DCAF10: variants seen among roughly 807,000 people sequenced by gnomAD.
DCAF10 encodes DDB1- and CUL4-associated factor 10.
Under a neutral mutation model 51.9 loss-of-function variants are expected in DCAF10, and 19 were observed. The observed-to-expected ratio is 0.37, with a 90% CI of 0.26 to 0.54. The LOEUF is 0.54. DCAF10 is among the 20% of genes least tolerant of loss of function. DCAF10 has a pLI of 0.87. For synonymous variants in DCAF10, 291 were observed against 297.1 expected (o/e 0.98, Z 0.21); for missense variants, 510 against 730.6 (o/e 0.70, Z 3.48).
chr9:37,859,034 AAATT>A lies in DCAF10; in HGVS notation c.1166-1009_1166-1006del, dbSNP rs535104934. Reference sequence around the variant, plus strand: ...TGTCTGGTTTTGTTATAGGTTTTCCAAATTAATTCTTAAAATAAGAGTATATTTT... The same window carrying A: ...TGTCTGGTTTTGTTATAGGTTTTCCAAATTCTTAAAATAAGAGTATATTTT... On this transcript the variant is annotated intron_variant, in intron 5 of 6. Coordinates refer to ENST00000377724, the MANE Select transcript of DCAF10 (RefSeq NM_024345.5). Among the ~76,000 whole-genome samples the A allele has an allele frequency of 4.2e-4, 64 of 152,364 alleles. No individual in the cohort carries two copies. In the South Asian group the frequency reaches 6.4e-3, roughly 15 times the overall value.
chr9:37,846,684 T>C (rs1830483525), intron 3 of DCAF10, among the ~76,000 whole-genome samples: 1 of 152,044 alleles, frequency 6.6e-6, no homozygotes, highest in Non-Finnish European at 1.5e-5. Flanking sequence ...CTCAAACTCC[T>C]GACCTCAGTG....
At position 37,814,947 on chromosome 9, in the gene DCAF10, A is replaced by G. The variant is rs1041974359; in HGVS notation, c.540-4341A>G. 2.0e-5 allele frequency among the ~76,000 whole-genome samples: 3 copies of G among 152,360 alleles called. No homozygotes were observed. In the East Asian group the frequency reaches 5.8e-4, roughly 29 times the overall value. On this transcript the variant is annotated intron_variant, in intron 1 of 6. Coordinates refer to ENST00000377724, the MANE Select transcript of DCAF10 (RefSeq NM_024345.5). ...ACCATGCAATTTCGCTGAAGAATAA[A>G]GATAGAAAAATCATAAACAAAATAT...
intron 2 of DCAF10, among the ~76,000 whole-genome samples, chr9:37,826,776 C>G (rs1244170764): frequency 6.7e-6 from 1 of 149,378 alleles, no homozygotes; most frequent in Non-Finnish European, 1.5e-5. Context: ...ATGTAATACA[C>G]TATCATTTAT....
intron 1 of DCAF10, among the ~76,000 whole-genome samples, chr9:37,805,296 ACCTGATGAAAC>A (rs1829078615): frequency 6.6e-6 from 1 of 152,196 alleles, no homozygotes; most frequent in African/African-American, 2.4e-5. Context: ...AGCCTGGCCA[ACCTGATGAAAC>A]CCTGTCTCTA....
chr9:37,822,258 A>T (rs1016816939), intron 2 of DCAF10, among the ~76,000 whole-genome samples: 11 of 152,134 alleles, frequency 7.2e-5, no homozygotes, highest in Non-Finnish European at 1.6e-4. Flanking sequence ...CAGCAATTCC[A>T]CTACTGGGTA....
chr9:37,852,933 TA>T (rs1564050309), intron 3 of DCAF10, among the ~76,000 whole-genome samples: 10 of 36,782 alleles, frequency 2.7e-4, no homozygotes, highest in South Asian at 8.6e-4. Flanking sequence ...TGTGAGGTTA[TA>T]TATATATATA....
intron 2 of DCAF10, among the ~76,000 whole-genome samples, chr9:37,821,024 C>T (rs1458196269): frequency 6.6e-6 from 1 of 152,002 alleles, no homozygotes; most frequent in Non-Finnish European, 1.5e-5. Flanking sequence ...CAGTTTCCCT[C>T]CCCAAAGGCA....
intron 1 of DCAF10, among the ~76,000 whole-genome samples, chr9:37,811,322 A>G (rs1829341156): frequency 3.3e-5 from 5 of 152,190 alleles, no homozygotes; most frequent in South Asian, 4.1e-4. Flanking sequence ...ACCAAGCAAG[A>G]CCCTGTCTCT....
At chr9:37,853,078 G>A in intron 3 of DCAF10, among the ~76,000 whole-genome samples, 3 of 144,578 alleles carry the variant, frequency 2.1e-5, no homozygotes, top group South Asian at 2.3e-4. Context: ...CTTAAACCCA[G>A]GAGGCGGAGT....
At position 37,801,183 on chromosome 9, in the gene DCAF10, G is replaced by C. The variant is rs1183984932; in HGVS notation, c.317G>C (p.Ser106Thr). 3 of 1,543,148 alleles carry C rather than the reference G, an allele frequency of 1.9e-6. No individual in the cohort carries two copies. Among genetic ancestry groups the C allele is most frequent in the African/African-American group, 1.4e-5 (1 of 70,754 alleles). ...CCCGGGCCAGACTGCAGGGCCAAGA[G>C]CCGGGGCCGACACGGCCTCGGCGCG... ...RRPGPDCRAK[S>T]RGRHGLGAGL... The change falls in exon 1 of 7, where the codon AGC (serine) becomes ACC (threonine). Residue 106 changes from serine to threonine, a missense_variant. Ser to Thr is a moderately conservative substitution (Grantham distance 58). This residue lies in a region of DCAF10 where 251 missense variants were observed against 227.9 expected (regional missense o/e 1.10). Transcript: ENST00000377724. This position sits in a 1 kb window ranked among gnomAD's most constrained non-coding sequence, Gnocchi z 5.5.
intron 2 of DCAF10, among the ~76,000 whole-genome samples, chr9:37,832,746 A>T (rs377292254): frequency 1.3e-5 from 2 of 152,236 alleles, no homozygotes; most frequent in Admixed American, 6.5e-5. Context: ...ATCAATTATG[A>T]CATGATAGAC....
intron 2 of DCAF10, among the ~76,000 whole-genome samples, chr9:37,837,414 G>A (rs1001681979): frequency 2.7e-5 from 4 of 148,044 alleles, no homozygotes; most frequent in African/African-American, 1.0e-4. Context: ...AGATGAGATC[G>A]CGCCACTGCA....
intron 1 of DCAF10, among the ~76,000 whole-genome samples, chr9:37,817,061 T>A (rs1386310420): frequency 6.6e-6 from 1 of 152,150 alleles, no homozygotes; most frequent in East Asian, 1.9e-4. Context: ...AATACCAATA[T>A]ACAGTCGAAG....
At position 37,811,336 on chromosome 9, in the gene DCAF10, G is replaced by GA. The variant is rs1829341879; in HGVS notation, c.540-7949dup. On this transcript the variant is annotated intron_variant, in intron 1 of 6. Transcript: ENST00000377724. ...GACCAAGCAAGACCCTGTCTCTAAA[G>GA]AAATTTTTTTAAAAATATAATATAT... Among the ~76,000 whole-genome samples, 3 of 152,200 alleles carry GA rather than the reference G, an allele frequency of 2.0e-5. No homozygotes were observed. The South Asian group carries it at 6.2e-4, about 32-fold the overall frequency.
intron 3 of DCAF10, among the ~76,000 whole-genome samples, chr9:37,851,668 G>A (rs10123615): frequency 0.19 from 28,884 of 150,946 alleles, 3,158 homozygotes; most frequent in African/African-American, 0.29. Context: ...GATGGCAGGC[G>A]CTTGTAATCC....
At chr9:37,837,327 C>T (rs1830195103) in intron 2 of DCAF10, among the ~76,000 whole-genome samples, 1 of 151,906 alleles carries the variant, frequency 6.6e-6, no homozygotes, top group African/African-American at 2.4e-5. Context: ...AACGTGGTGG[C>T]ACGTGCCTGT....
At chr9:37,820,717 A>G (rs544877376) in intron 2 of DCAF10, among the ~76,000 whole-genome samples, 1 of 152,270 alleles carries the variant, frequency 6.6e-6, no homozygotes, top group East Asian at 1.9e-4. Context: ...CTCTGAAACC[A>G]TTAAATAGGA....
intron 2 of DCAF10, among the ~76,000 whole-genome samples, chr9:37,835,273 A>T (rs1317076438): frequency 6.6e-6 from 1 of 151,912 alleles, no homozygotes; most frequent in East Asian, 1.9e-4. Flanking sequence ...TGTCTCTACT[A>T]AAAATGTAAA....
rs1831122711 is a variant in DCAF10, at chr9:37,865,660, T to G, written c.*4152T>G. 6.6e-6 allele frequency: 1 copy of G among 152,194 alleles called. No individual in the cohort carries two copies. The highest frequency in any genetic ancestry group is 1.9e-4 in the East Asian group (1 of 5,196). 9.4% of individuals were successfully genotyped at this position (152,194 alleles called of 1,614,324 possible). ...TTAGGGACATCAAATATATAGTAGT[T>G]CCTTATTTTCAGTTGTGAAAATGAA... On this transcript the variant is annotated 3_prime_UTR_variant, in exon 7 of 7. Transcript: ENST00000377724.
Sources: allele counts gnomAD v4.1 joint callset (sites outside exome capture counted in the v4.1 genomes callset), GRCh38; gene constraint gnomAD v4.1.1; regional missense constraint gnomAD v4.1.1; non-coding constraint Gnocchi (gnomAD v3.1); transcripts MANE v1.5; gene names NCBI Gene and HGNC (gene_info 2026-07-23, HGNC 2026-07-21).